Variants in MAGI1 observed in about 807,000 individuals in gnomAD.
MAGI1 encodes membrane associated guanylate kinase, WW and PDZ domain containing 1.
In MAGI1, 58 loss-of-function variants were observed where a neutral mutation model predicts 139.9. The ratio of observed to expected loss-of-function variants is 0.41; its 90% CI spans 0.34 to 0.52. MAGI1 has a LOEUF of 0.52. Among genes scored for constraint, MAGI1 ranks in the 20% least tolerant of loss-of-function variants. MAGI1 has a pLI of 0.12. For missense variants in MAGI1, 1,874 were observed against 1,901.6 expected (o/e 0.99, Z 0.27); for synonymous variants, 812 against 737.9 (o/e 1.10, Z -1.63).
chr3:65,986,733 A>C (rs2065900202), intron 1 of MAGI1, among the ~76,000 whole-genome samples: 1 of 152,232 alleles, frequency 6.6e-6, no homozygotes, highest in Non-Finnish European at 1.5e-5. Flanking sequence ...GATAGGTGTC[A>C]CATTATTTAT....
At chr3:65,601,239 T>C (rs971228297) in intron 2 of MAGI1, among the ~76,000 whole-genome samples, 2 of 152,302 alleles carry the variant, frequency 1.3e-5, no homozygotes, top group East Asian at 1.9e-4. Flanking sequence ...AATATATCCA[T>C]GGGGTCAGAA....
chr3:65,567,629 G>A (rs1335372574), intron 2 of MAGI1, among the ~76,000 whole-genome samples: 1 of 152,108 alleles, frequency 6.6e-6, no homozygotes, highest in Non-Finnish European at 1.5e-5. Flanking sequence ...TTGAGGTCAG[G>A]AGTTCAAGAC....
intron 1 of MAGI1, among the ~76,000 whole-genome samples, chr3:65,897,653 T>TA (rs1416756840): frequency 1.3e-5 from 2 of 151,564 alleles, no homozygotes; most frequent in South Asian, 2.1e-4. Context: ...AAAGTATAAT[T>TA]AAAAAACAAC....
At chr3:65,809,104 T>C (rs1171288673) in intron 1 of MAGI1, among the ~76,000 whole-genome samples, 1 of 152,094 alleles carries the variant, frequency 6.6e-6, no homozygotes, top group African/African-American at 2.4e-5. Flanking sequence ...GGCCCATGGG[T>C]AGGTTATTAA....
At chr3:65,366,037 C>T (rs1246043706) in intron 18 of MAGI1, among the ~76,000 whole-genome samples, 1 of 152,162 alleles carries the variant, frequency 6.6e-6, no homozygotes, top group Non-Finnish European at 1.5e-5. Context: ...TGGTTAAAAG[C>T]ATGGGCTTGA....
At chr3:65,973,473 T>A (rs551255605) in intron 1 of MAGI1, among the ~76,000 whole-genome samples, 1 of 152,192 alleles carries the variant, frequency 6.6e-6, no homozygotes, top group African/African-American at 2.4e-5. Context: ...AAACCACGCT[T>A]TAAGGGCTCT....
chr3:65,688,310 A>C (rs1207307275), intron 1 of MAGI1: 2 of 777,538 alleles, frequency 2.6e-6, no homozygotes, highest in South Asian at 2.6e-5. Flanking sequence ...GTGATGCCAG[A>C]CATCTTACTT....
At chr3:65,509,661 G>A (rs1253098777) in intron 2 of MAGI1, among the ~76,000 whole-genome samples, 2 of 152,126 alleles carry the variant, frequency 1.3e-5, no homozygotes, top group Non-Finnish European at 2.9e-5. Context: ...CTACGCCCAC[G>A]GAATCTCGCT....
At chr3:65,454,526 T>TATAATAATAATAATA (rs35819390) in intron 5 of MAGI1, among the ~76,000 whole-genome samples, 13 of 83,138 alleles carry the variant, frequency 1.6e-4, no homozygotes, top group Non-Finnish European at 2.5e-4. Context: ...AAACTGAAAG[T>TATAATAATAATAATA]ATAATAATAA....
At chr3:65,557,734 C>G (rs2080154010) in intron 2 of MAGI1, among the ~76,000 whole-genome samples, 1 of 152,152 alleles carries the variant, frequency 6.6e-6, no homozygotes, top group Non-Finnish European at 1.5e-5. Flanking sequence ...CACAGTATTT[C>G]CAGAACTCTG....
intron 2 of MAGI1, among the ~76,000 whole-genome samples, chr3:65,506,507 T>C (rs760780536): frequency 6.6e-6 from 1 of 152,116 alleles, no homozygotes; most frequent in Non-Finnish European, 1.5e-5. Context: ...CTTGATGAAA[T>C]TTTCCATCCC....
chr3:65,616,668 TAGAG>T (rs2083387238), intron 2 of MAGI1, among the ~76,000 whole-genome samples: 1 of 152,150 alleles, frequency 6.6e-6, no homozygotes. Context: ...GAAACAGCAA[TAGAG>T]AGAAAGTTTC....
At chr3:65,914,552 T>C (rs2061811882) in intron 1 of MAGI1, among the ~76,000 whole-genome samples, 1 of 152,192 alleles carries the variant, frequency 6.6e-6, no homozygotes, top group Non-Finnish European at 1.5e-5. Context: ...AACACAGTGC[T>C]GACTCTAGCT....
At chr3:65,533,719 A>G (rs181143455) in intron 2 of MAGI1, among the ~76,000 whole-genome samples, 6 of 152,214 alleles carry the variant, frequency 3.9e-5, no homozygotes, top group African/African-American at 1.4e-4. Context: ...TATTCCCCCA[A>G]TGAGGCAGCT....
At chr3:65,468,217 G>A (rs1950293656) in intron 5 of MAGI1, among the ~76,000 whole-genome samples, 2 of 152,092 alleles carry the variant, frequency 1.3e-5, no homozygotes, top group Admixed American at 6.6e-5. Flanking sequence ...AGAAAAGACT[G>A]CTTCTTTTAT....
chr3:65,953,160 T>C (rs1270075917), intron 1 of MAGI1, among the ~76,000 whole-genome samples: 1 of 152,154 alleles, frequency 6.6e-6, no homozygotes, highest in East Asian at 1.9e-4. Context: ...AAGACTCTAC[T>C]CATTGCAAGT....
chr3:65,406,926 TA>T (rs1412593882), intron 12 of MAGI1, among the ~76,000 whole-genome samples: 1 of 152,152 alleles, frequency 6.6e-6, no homozygotes, highest in African/African-American at 2.4e-5. Context: ...GGGCTGGTCT[TA>T]GATACCAAAG....
intron 1 of MAGI1, among the ~76,000 whole-genome samples, chr3:65,921,895 G>C (rs552859150): frequency 6.7e-6 from 1 of 149,964 alleles, no homozygotes; most frequent in Non-Finnish European, 1.5e-5. Flanking sequence ...AACAGAGTGA[G>C]ACCCTATCTC....
At chr3:65,694,992 G>A (rs543769592) in intron 1 of MAGI1, among the ~76,000 whole-genome samples, 62 of 152,254 alleles carry the variant, frequency 4.1e-4, no homozygotes, top group Non-Finnish European at 7.5e-4. Flanking sequence ...ATATAAGGCT[G>A]CTCGTGCTCA....
Sources: gnomAD v4.1 joint callset for allele counts (sites outside exome capture counted in the v4.1 genomes callset) on GRCh38, gnomAD v4.1.1 for gene constraint, MANE v1.5 for transcripts, NCBI Gene and HGNC (gene_info 2026-07-23, HGNC 2026-07-21) for gene names.